PEAK1: variants seen among roughly 807,000 people sequenced by gnomAD.
PEAK1 encodes inactive tyrosine-protein kinase PEAK1.
PEAK1 carries 54 observed loss-of-function variants against 124.7 expected under a neutral mutation model. That is an observed-to-expected ratio of 0.43 (90% CI 0.35 to 0.54). PEAK1 has a LOEUF of 0.54. Ranked by LOEUF, PEAK1 falls within the 20% of genes least tolerant of loss-of-function variation. The pLI is 0.01. For synonymous variants in PEAK1, 719 were observed against 760.0 expected, an observed-to-expected ratio of 0.95 and a Z score of 0.89; for missense variants, 2,046 against 2,134.5, an observed-to-expected ratio of 0.96 and a Z score of 0.82.
chr15:77,160,162 T>C (rs898710055), intron 7 of PEAK1, among the ~76,000 whole-genome samples: 6 of 152,160 alleles, frequency 3.9e-5, no homozygotes, highest in African/African-American at 1.4e-4. Context: ...TCTCATAATA[T>C]GGAGCACCAT....
chr15:77,341,105 C>T (rs2066501632), intron 2 of PEAK1, among the ~76,000 whole-genome samples: 1 of 152,110 alleles, frequency 6.6e-6, no homozygotes, highest in South Asian at 2.1e-4. Context: ...AAAAAATACA[C>T]ATAGGACAAG....
At chr15:77,358,648 T>C (rs1157024736) in intron 2 of PEAK1, among the ~76,000 whole-genome samples, 2 of 152,230 alleles carry the variant, frequency 1.3e-5, no homozygotes, top group African/African-American at 4.8e-5. Flanking sequence ...TCAAGAAGCA[T>C]AGTTTCTAAA....
At chr15:77,350,387 T>C (rs1306972329) in intron 2 of PEAK1, 1 of 985,272 alleles carries the variant, frequency 1.0e-6, no homozygotes, top group Non-Finnish European at 1.2e-6. Context: ...ACTTCATTTG[T>C]GCTCAGCAAG....
At chr15:77,127,419 C>A (rs1473295984) in intron 9 of PEAK1, among the ~76,000 whole-genome samples, 1 of 152,080 alleles carries the variant, frequency 6.6e-6, no homozygotes, top group Admixed American at 6.5e-5. Flanking sequence ...TGGGTAGAGG[C>A]TAGAAGAGTT....
At chr15:77,102,729 T>C (rs1039812373) in exon 7 of PEAK1, 5 of 152,218 alleles carry the variant, frequency 3.3e-5, no homozygotes, top group African/African-American at 1.2e-4. Flanking sequence ...CCTATTCTAT[T>C]ACATTGATCT....
intron 5 of PEAK1, among the ~76,000 whole-genome samples, chr15:77,265,263 A>G (rs555319402): frequency 1.3e-4 from 20 of 152,306 alleles, no homozygotes; most frequent in African/African-American, 3.4e-4. Context: ...ATGGGATCTA[A>G]TTAAACTAAA....
chr15:77,350,658 A>G, intron 2 of PEAK1: 6 of 985,284 alleles, frequency 6.1e-6, no homozygotes, highest in Non-Finnish European at 7.2e-6. Context: ...GCATCACTAC[A>G]GATCCCCCTA....
chr15:77,286,405 G>C lies in PEAK1; in HGVS notation c.-521+18C>G, dbSNP rs2062934169. On this transcript the variant is annotated intron_variant, in intron 3 of 9. Coordinates refer to ENST00000682557, the MANE Select transcript of PEAK1 (RefSeq NM_001385026.1). Reference sequence around the variant, plus strand: ...ACCAGAATAAACATGTTACATTATGGAAAGAAAAAGTACAAACCTGGTTTA... The same window carrying C: ...ACCAGAATAAACATGTTACATTATGCAAAGAAAAAGTACAAACCTGGTTTA... 1 of 1,175,516 alleles carries C rather than the reference G, an allele frequency of 8.5e-7. No homozygotes were observed. The highest frequency in any genetic ancestry group is 1.1e-6 in the Non-Finnish European group (1 of 937,462). 72.8% of individuals were successfully genotyped at this position (1,175,516 alleles called of 1,614,324 possible).
At chr15:77,275,741 T>C (rs980008296) in intron 5 of PEAK1, among the ~76,000 whole-genome samples, 7 of 150,826 alleles carry the variant, frequency 4.6e-5, no homozygotes, top group Non-Finnish European at 8.9e-5. Context: ...ATAAAAAAAT[T>C]TAAAAAAAGG....
chr15:77,382,565 T>C (rs569241621), intron 1 of PEAK1, among the ~76,000 whole-genome samples: 2 of 152,174 alleles, frequency 1.3e-5, no homozygotes, highest in East Asian at 1.9e-4. Flanking sequence ...CCCTCCTTCA[T>C]GCACACCTCT....
chr15:77,350,217 A>G (rs1423378570), intron 2 of PEAK1: 1 of 985,478 alleles, frequency 1.0e-6, no homozygotes, highest in Non-Finnish European at 1.2e-6. Context: ...GTGAGAACAC[A>G]AAAGAACAAT....
intron 2 of PEAK1, among the ~76,000 whole-genome samples, chr15:77,305,735 T>G (rs1260816921): frequency 6.6e-6 from 1 of 152,190 alleles, no homozygotes; most frequent in East Asian, 1.9e-4. Context: ...CTGCAGATGA[T>G]CAAGTCCCTT....
At chr15:77,236,818 C>T (rs541407380) in intron 6 of PEAK1, among the ~76,000 whole-genome samples, 11 of 152,214 alleles carry the variant, frequency 7.2e-5, no homozygotes, top group African/African-American at 2.2e-4. Flanking sequence ...CAGTTTCCCC[C>T]ATGCTGTTCT....
intron 6 of PEAK1, among the ~76,000 whole-genome samples, chr15:77,201,221 A>C (rs1347666497): frequency 1.3e-5 from 2 of 148,486 alleles, no homozygotes; most frequent in Non-Finnish European, 3.0e-5. Flanking sequence ...TAAATTGATA[A>C]GCCTTTGTGT....
At chr15:77,131,704 T>G (rs2052876684) in intron 9 of PEAK1, among the ~76,000 whole-genome samples, 1 of 152,186 alleles carries the variant, frequency 6.6e-6, no homozygotes, top group Admixed American at 6.5e-5. Context: ...GTTATCCTCC[T>G]CTATAAAAAT....
chr15:77,347,305 T>G, intron 2 of PEAK1: 1 of 985,078 alleles, frequency 1.0e-6, no homozygotes, highest in Non-Finnish European at 1.2e-6. Flanking sequence ...GGACTAGTAA[T>G]GACCACCAGG....
chr15:77,403,969 A>C (rs563924877), intron 1 of PEAK1: 1 of 965,756 alleles, frequency 1.0e-6, no homozygotes, highest in East Asian at 1.1e-4. Flanking sequence ...ACTGCGTGTC[A>C]CAAGGGTTTG....
intron 1 of PEAK1, among the ~76,000 whole-genome samples, chr15:77,378,101 A>G (rs2069174410): frequency 6.6e-6 from 1 of 151,046 alleles, no homozygotes. Context: ...TATTTTACAC[A>G]TGAGTTTAAA....
At chr15:77,303,010 C>A (rs2063872839) in intron 2 of PEAK1, among the ~76,000 whole-genome samples, 1 of 152,146 alleles carries the variant, frequency 6.6e-6, no homozygotes. Context: ...TGTCATATAA[C>A]TGGACTCACA....
Sources: allele counts gnomAD v4.1 joint callset (sites outside exome capture counted in the v4.1 genomes callset), GRCh38; gene constraint gnomAD v4.1.1; transcripts MANE v1.5; gene names NCBI Gene and HGNC (gene_info 2026-07-23, HGNC 2026-07-21).